The following ADGRE3 variants were observed in gnomAD, a reference collection of about 807,000 sequenced individuals.
The protein encoded by ADGRE3 is EGF-like module receptor 3.
A neutral mutation model predicts 80.1 loss-of-function variants in ADGRE3; 88 were observed. The observed-to-expected ratio is 1.10, with a 90% confidence interval of 0.93 to 1.31. The LOEUF is 1.31. Among genes scored for constraint, ADGRE3 ranks in the 40% most tolerant of loss-of-function variants. The pLI is 0.00. For missense variants in ADGRE3, 715 were observed against 776.5 expected, an observed-to-expected ratio of 0.92 and a Z score of 0.94; for synonymous variants, 281 against 294.8, an observed-to-expected ratio of 0.95 and a Z score of 0.48.
chr19:14,665,150 G>A lies in ADGRE3; in HGVS notation c.77-1610C>T, dbSNP rs200797289. Among the ~76,000 whole-genome samples, 9 of 139,614 alleles carry A rather than the reference G, an allele frequency of 6.4e-5. No homozygotes were observed. In the East Asian group the frequency reaches 1.3e-3, roughly 21 times the overall value. The allele number at this position is 139,614 out of a possible 152,430, so 91.6% of individuals were successfully genotyped here. A position where few individuals can be genotyped will look rare whatever the true frequency, so the allele number is the denominator to read the frequency against. On this transcript the variant is annotated intron_variant, in intron 2 of 15. Coordinates refer to ENST00000253673, the MANE Select transcript of ADGRE3 (RefSeq NM_032571.5). ...GTGATATCGGCTCACTGCAAGCTCCGCCTCCTGGGTTCATGCCATTCTCCT... is the reference window on the plus strand; with the variant it reads ...GTGATATCGGCTCACTGCAAGCTCCACCTCCTGGGTTCATGCCATTCTCCT...
intron 9 of ADGRE3, among the ~76,000 whole-genome samples, chr19:14,642,180 T>C (rs934797608): frequency 6.6e-6 from 1 of 152,158 alleles, no homozygotes; most frequent in Non-Finnish European, 1.5e-5. Context: ...ATGGCTTAGA[T>C]GGTAAATTTT....
intron 2 of ADGRE3, among the ~76,000 whole-genome samples, chr19:14,665,917 T>G (rs1317252151): frequency 7.3e-6 from 1 of 136,852 alleles, no homozygotes; most frequent in Non-Finnish European, 1.6e-5. Context: ...ACATATATAT[T>G]GCATATACAC....
At chr19:14,613,150 T>A in the ADGRE3 span, among the ~76,000 whole-genome samples, 2 of 152,022 alleles carry the variant, frequency 1.3e-5, no homozygotes, top group African/African-American at 2.4e-5. Context: ...GGTCTCGAAC[T>A]CCTGACCTCA....
At chr19:14,613,426 T>C in the ADGRE3 span, among the ~76,000 whole-genome samples, 3 of 151,282 alleles carry the variant, frequency 2.0e-5, no homozygotes, top group South Asian at 6.2e-4. Context: ...GACAGGGGTC[T>C]TGCTTTGTTG....
the ADGRE3 span, among the ~76,000 whole-genome samples, chr19:14,603,897 T>A: frequency 6.6e-6 from 1 of 152,198 alleles, no homozygotes. Context: ...TAAACTGCTC[T>A]GATTTTGGTG....
intron 9 of ADGRE3, among the ~76,000 whole-genome samples, chr19:14,642,000 A>T (rs1971266167): frequency 6.6e-6 from 1 of 152,182 alleles, no homozygotes; most frequent in South Asian, 2.1e-4. Flanking sequence ...TCCCCTAAAA[A>T]AAGTAGAATG....
the ADGRE3 span, among the ~76,000 whole-genome samples, chr19:14,608,792 C>G: frequency 6.7e-6 from 1 of 148,236 alleles, no homozygotes; most frequent in African/African-American, 2.5e-5. Context: ...CACCACCATG[C>G]CTGGCTAATT....
At chr19:14,662,928 A>AT (rs1971992562) in intron 3 of ADGRE3, among the ~76,000 whole-genome samples, 1 of 132,520 alleles carries the variant, frequency 7.5e-6, no homozygotes, top group South Asian at 2.4e-4. Flanking sequence ...AAAAAAAAAA[A>AT]TTAGCTGGGC....
rs146538980 is a variant in ADGRE3, at chr19:14,641,546, G to A, written c.1121C>T (p.Ala374Val). The change falls in exon 10 of 16, where the codon GCG becomes GTG. Residue 374 changes from alanine (A) to valine (V), a missense_variant. Transcript: ENST00000253673. The stretch of plus-strand genomic sequence containing the variant: ...TTTACACAGGAGAAAAGTGAGGGCC[G>A]CCAGGAGGAGGCACAGCAGAGAGAC... ...LSVSLLCLLL[A>V]ALTFLLCKAI... is the part of the protein sequence containing the mutation. 166 of 1,614,050 alleles carry A rather than the reference G, an allele frequency of 1.0e-4. No individual in the cohort carries two copies. The highest frequency in any genetic ancestry group is 1.3e-4 in the Non-Finnish European group (151 of 1,179,950).
At chr19:14,634,458 G>A (rs912225567) in intron 11 of ADGRE3, among the ~76,000 whole-genome samples, 1 of 152,126 alleles carries the variant, frequency 6.6e-6, no homozygotes, top group Non-Finnish European at 1.5e-5. Context: ...TCTGTTGGCT[G>A]GGGTGGACAC....
chr19:14,626,070 T>A (rs563340566), intron 14 of ADGRE3, among the ~76,000 whole-genome samples: 157 of 151,972 alleles, frequency 1.0e-3, no homozygotes, highest in South Asian at 1.9e-3. Flanking sequence ...TTAAAAATGG[T>A]TAAAAAGGTA....
intron 6 of ADGRE3, among the ~76,000 whole-genome samples, chr19:14,654,560 T>G (rs924617588): frequency 5.9e-5 from 9 of 152,142 alleles, no homozygotes; most frequent in Non-Finnish European, 1.0e-4. Flanking sequence ...CCATCATGCC[T>G]GGTCCTCAAA....
intron 7 of ADGRE3, 113 bp from the exon 8 acceptor site, chr19:14,647,478 G>A (rs372950564): frequency 1.2e-5 from 10 of 834,514 alleles, no homozygotes; most frequent in African/African-American, 3.5e-5. Flanking sequence ...GTGCAGTGGC[G>A]TGATCTTGGC....
At chr19:14,618,414 G>A (rs2075095725), downstream of ADGRE3, among the ~76,000 whole-genome samples, 1 of 151,796 alleles carries the variant, frequency 6.6e-6, no homozygotes, top group Non-Finnish European at 1.5e-5. Context: ...AATTAGCTGG[G>A]CATGGTGGCA....
intron 14 of ADGRE3, 127 bp from the exon 15 acceptor site, chr19:14,625,726 C>CACAAAACATG (rs1970721374): frequency 3.1e-6 from 2 of 636,090 alleles, no homozygotes; most frequent in African/African-American, 3.7e-5. Flanking sequence ...ATGGTCTATT[C>CACAAAACATG]GTACAATGGA....
chr19:14,612,994 C>T, the ADGRE3 span, among the ~76,000 whole-genome samples: 3 of 143,872 alleles, frequency 2.1e-5, no homozygotes, highest in Admixed American at 6.9e-5. Flanking sequence ...GGCGTGATCT[C>T]GGCTCACTGC....
rs762634650 is a variant in ADGRE3, at chr19:14,625,522, G to A, written c.1890C>T (p.Ser630=). ...TGGGTTTTGAGTCAGGACCCATCTTGCTGGAAAGTGTGTATGTCTCAGACT... is the reference window on the plus strand; with the variant it reads ...TGGGTTTTGAGTCAGGACCCATCTTACTGGAAAGTGTGTATGTCTCAGACT... ...KSESETYTLS[S]KMGPDSKPSE... The change falls in exon 15 of 16, where the codon AGC becomes AGT. Residue 630 remains serine, a synonymous_variant. Transcript: ENST00000253673. The A allele has an allele frequency of 1.2e-6, 2 of 1,613,016 alleles. No individual in the cohort carries two copies. Among genetic ancestry groups the A allele is most frequent in the South Asian group, 2.2e-5 (2 of 91,064 alleles).
intron 11 of ADGRE3, among the ~76,000 whole-genome samples, chr19:14,637,191 T>C (rs895184961): frequency 6.6e-6 from 1 of 152,198 alleles, no homozygotes; most frequent in Non-Finnish European, 1.5e-5. Flanking sequence ...TCAGCTGCTC[T>C]GAAGGACCAC....
chr19:14,612,480 G>A, the ADGRE3 span, among the ~76,000 whole-genome samples: 1 of 151,970 alleles, frequency 6.6e-6, no homozygotes, highest in Admixed American at 6.6e-5. Context: ...GATTACAGGT[G>A]TGCACCACCG....
Sources: gnomAD v4.1 joint callset for allele counts (sites outside exome capture counted in the v4.1 genomes callset) on GRCh38, gnomAD v4.1.1 for gene constraint, MANE v1.5 for transcripts, NCBI Gene and HGNC (gene_info 2026-07-23, HGNC 2026-07-21) for gene names.